LYRM4: variants seen among roughly 807,000 people sequenced by gnomAD.
LYRM4 encodes the protein LYR motif containing 4, also known as LYR motif-containing protein 4.
A neutral mutation model predicts 11.7 loss-of-function variants in LYRM4; 9 were observed. That is an observed-to-expected ratio of 0.77 (90% CI 0.46 to 1.34). The LOEUF (loss-of-function observed/expected upper bound fraction) is 1.34. Among genes scored for constraint, LYRM4 ranks in the 40% most tolerant of loss-of-function variants. The pLI, the probability that LYRM4 is intolerant of heterozygous loss-of-function variation, is 0.00. For missense variants in LYRM4, 133 were observed against 112.5 expected, an observed-to-expected ratio of 1.18 and a Z score of -0.82; for synonymous variants, 42 against 40.4, an observed-to-expected ratio of 1.04 and a Z score of -0.15.
chr6:5,088,733 G>T, the LYRM4 span: 1 of 152,308 alleles, frequency 6.6e-6, no homozygotes, highest in Admixed American at 6.5e-5. Context: ...TTTGCCACTT[G>T]AAATAAACCC....
At chr6:5,062,409 C>T in the LYRM4 span, among the ~76,000 whole-genome samples, 1 of 151,736 alleles carries the variant, frequency 6.6e-6, no homozygotes, top group Non-Finnish European at 1.5e-5. Flanking sequence ...AGTGATCCTC[C>T]CACCTCAGCC....
At chr6:5,043,102 A>G in the LYRM4 span, 19,941 of 151,614 alleles carry the variant, frequency 0.13, 1,602 homozygotes, top group African/African-American at 0.23. Context: ...GACCACAACC[A>G]CCCCATCCCC....
chr6:5,187,336 C>CACAAA (rs1760464922), intron 2 of LYRM4, among the ~76,000 whole-genome samples: 1 of 152,200 alleles, frequency 6.6e-6, no homozygotes, highest in Non-Finnish European at 1.5e-5. Flanking sequence ...TTCACAAAGA[C>CACAAA]ACACATATCA....
chr6:5,229,574 C>G (rs1436380111), intron 1 of LYRM4, among the ~76,000 whole-genome samples: 2 of 152,168 alleles, frequency 1.3e-5, no homozygotes, highest in Non-Finnish European at 2.9e-5. Flanking sequence ...GTGACTTAGG[C>G]TATCCTCTGA....
At chr6:5,195,583 G>A (rs1450028685) in intron 2 of LYRM4, among the ~76,000 whole-genome samples, 2 of 152,190 alleles carry the variant, frequency 1.3e-5, no homozygotes, top group East Asian at 3.9e-4. Context: ...GCAGTGAGCT[G>A]AGATAGCGCC....
intron 2 of LYRM4, among the ~76,000 whole-genome samples, chr6:5,146,372 G>A (rs1236906035): frequency 6.6e-6 from 1 of 152,104 alleles, no homozygotes; most frequent in African/African-American, 2.4e-5. Flanking sequence ...CTTCTGAGGG[G>A]GTATTGTTAC....
intron 2 of LYRM4, among the ~76,000 whole-genome samples, chr6:5,180,995 A>T (rs996904400): frequency 3.3e-5 from 5 of 152,224 alleles, no homozygotes; most frequent in Non-Finnish European, 7.3e-5. Flanking sequence ...CAAGCAATAC[A>T]TCTTAATCCT....
intron 2 of LYRM4, among the ~76,000 whole-genome samples, chr6:5,143,798 T>C (rs1232845329): frequency 1.3e-5 from 2 of 152,198 alleles, no homozygotes; most frequent in Admixed American, 6.5e-5. Context: ...TGAGAAAGCA[T>C]GCGGCCAGCA....
At chr6:5,222,801 A>G (rs1311520749) in intron 1 of LYRM4, among the ~76,000 whole-genome samples, 1 of 144,698 alleles carries the variant, frequency 6.9e-6, no homozygotes, top group Non-Finnish European at 1.5e-5. Flanking sequence ...GCTAGAGAAT[A>G]TGTACATGGC....
At chr6:5,059,248 G>A in the LYRM4 span, among the ~76,000 whole-genome samples, 1 of 151,686 alleles carries the variant, frequency 6.6e-6, no homozygotes, top group African/African-American at 2.4e-5. Flanking sequence ...GGCTGAGGTG[G>A]GAGGATCCCT....
intron 2 of LYRM4, among the ~76,000 whole-genome samples, chr6:5,142,500 T>G (rs1398133276): frequency 1.3e-5 from 2 of 152,204 alleles, no homozygotes; most frequent in Non-Finnish European, 2.9e-5. Flanking sequence ...AGAAGTGGGA[T>G]GTGGCAATAA....
At chr6:5,252,720 T>G (rs1764491890) in intron 1 of LYRM4, among the ~76,000 whole-genome samples, 1 of 152,190 alleles carries the variant, frequency 6.6e-6, no homozygotes, top group Non-Finnish European at 1.5e-5. Context: ...AGAGTCCTCC[T>G]GGAAAGCTTT....
chr6:5,169,261 T>C (rs1373439016), intron 2 of LYRM4, among the ~76,000 whole-genome samples: 1 of 152,146 alleles, frequency 6.6e-6, no homozygotes, highest in Non-Finnish European at 1.5e-5. Context: ...CCAAACCTTA[T>C]CACTTATCTG....
At chr6:5,086,164 A>G in the LYRM4 span, 1 of 1,528,492 alleles carries the variant, frequency 6.5e-7, no homozygotes, top group Middle Eastern at 1.7e-4. Context: ...GCAGTGCTCG[A>G]CGGCCTCGGG....
chr6:5,238,572 A>G (rs546216158), intron 1 of LYRM4, among the ~76,000 whole-genome samples: 1 of 152,248 alleles, frequency 6.6e-6, no homozygotes, highest in Non-Finnish European at 1.5e-5. Context: ...TAGTTTATTC[A>G]GTCAGTTGAC....
Position 5,260,760 on chromosome 6 carries a change from T to C in LYRM4, c.-27A>G, listed in dbSNP as rs369579553. The C allele has an allele frequency of 2.6e-6, 4 of 1,538,778 alleles. No homozygotes were observed. Among genetic ancestry groups the C allele is most frequent in the East Asian group, 2.4e-5 (1 of 40,908 alleles). On this transcript the variant is annotated 5_prime_UTR_variant, in exon 1 of 3. Coordinates refer to ENST00000330636, the MANE Select transcript of LYRM4 (RefSeq NM_020408.6). ...TTGGAAAGAAAAAAAAATAAACGGG[T>C]CCTCTTCGCCGAGGTCCCAAGTACG...
chr6:5,238,509 C>G (rs1015505837), intron 1 of LYRM4, among the ~76,000 whole-genome samples: 4 of 152,194 alleles, frequency 2.6e-5, no homozygotes, highest in Admixed American at 2.6e-4. Flanking sequence ...AGTCAACTAA[C>G]AAATCATAAG....
chr6:5,048,040 T>C, the LYRM4 span, among the ~76,000 whole-genome samples: 1 of 152,204 alleles, frequency 6.6e-6, no homozygotes, highest in African/African-American at 2.4e-5. Context: ...AAATTCTGGG[T>C]CATTGAACGG....
intron 2 of LYRM4, among the ~76,000 whole-genome samples, chr6:5,143,380 C>G (rs926571310): frequency 6.6e-6 from 1 of 152,182 alleles, no homozygotes; most frequent in African/African-American, 2.4e-5. Flanking sequence ...TATACATGGG[C>G]AAGTTTTACT....
Sources: allele counts gnomAD v4.1 joint callset (sites outside exome capture counted in the v4.1 genomes callset), GRCh38; gene constraint gnomAD v4.1.1; transcripts MANE v1.5; gene names NCBI Gene and HGNC (gene_info 2026-07-23, HGNC 2026-07-21).